Variants in PSD3 observed in about 807,000 individuals in gnomAD.
PSD3 encodes PH and SEC7 domain-containing protein 3.
A neutral mutation model predicts 105.5 loss-of-function variants in PSD3; 49 were observed. That is an observed-to-expected ratio of 0.46 (90% CI 0.37 to 0.59). PSD3 has a LOEUF of 0.59. Among genes scored for constraint, PSD3 ranks in the 20% least tolerant of loss-of-function variants. The probability of loss-of-function intolerance (pLI) is 0.00; values close to 1 mark genes in which losing one functional copy is unlikely to be tolerated. For missense variants in PSD3, 1,561 were observed against 1,263.8 expected (o/e 1.24, Z -3.57); for synonymous variants, 557 against 457.8 (o/e 1.22, Z -2.77).
intron 4 of PSD3, among the ~76,000 whole-genome samples, chr8:18,832,062 C>T (rs1371176348): frequency 6.6e-6 from 1 of 152,158 alleles, no homozygotes; most frequent in African/African-American, 2.4e-5. Flanking sequence ...CAAAACAGCA[C>T]CAAATACTTT....
rs1056439442 is a variant in PSD3, at chr8:18,828,080, T to A, written c.1635-23182A>T. Among the ~76,000 whole-genome samples, 6 of 143,802 alleles carry A rather than the reference T, an allele frequency of 4.2e-5. No homozygotes were observed. The South Asian group carries it at 6.5e-4, about 16-fold the overall frequency. The allele number at this position is 143,802 out of a possible 152,430, so 94.3% of individuals were successfully genotyped here. A position where few individuals can be genotyped will look rare whatever the true frequency, so the allele number is the denominator to read the frequency against. Reference sequence around the variant, plus strand: ...ATATATATATATATTTTTTTTTTTTTACAAAAAAAATGAGGTTAATGAGCT... The same window carrying A: ...ATATATATATATATTTTTTTTTTTTAACAAAAAAAATGAGGTTAATGAGCT... On this transcript the variant is annotated intron_variant, in intron 4 of 15. Transcript: ENST00000327040.
At chr8:18,958,201 C>A (rs1469635139) in intron 1 of PSD3, among the ~76,000 whole-genome samples, 10 of 151,994 alleles carry the variant, frequency 6.6e-5, no homozygotes, top group African/African-American at 2.2e-4. Flanking sequence ...CTGAAACTAC[C>A]GCCAAGATAT....
chr8:18,784,392 G>T (rs901880243), intron 8 of PSD3, among the ~76,000 whole-genome samples: 1 of 152,104 alleles, frequency 6.6e-6, no homozygotes, highest in Non-Finnish European at 1.5e-5. Flanking sequence ...AAGTATGTGG[G>T]GGTTTCTCCA....
intron 4 of PSD3, among the ~76,000 whole-genome samples, chr8:18,858,816 A>T (rs948434154): frequency 6.6e-6 from 1 of 152,108 alleles, no homozygotes; most frequent in Non-Finnish European, 1.5e-5. Context: ...TTTCCACCAC[A>T]TCTGCAGTTA....
chr8:18,951,992 A>AACAG (rs1202725469), intron 1 of PSD3, among the ~76,000 whole-genome samples: 1 of 152,148 alleles, frequency 6.6e-6, no homozygotes, highest in East Asian at 1.9e-4. Flanking sequence ...CAAACAAACA[A>AACAG]ACAAACAAAA....
At chr8:18,947,023 G>T (rs186959852) in intron 1 of PSD3, among the ~76,000 whole-genome samples, 2 of 152,028 alleles carry the variant, frequency 1.3e-5, no homozygotes, top group East Asian at 3.9e-4. Context: ...GAAGATGCTC[G>T]TGCTTGGGCC....
intron 1 of PSD3, among the ~76,000 whole-genome samples, chr8:19,074,291 G>A (rs1355549190): frequency 6.6e-6 from 1 of 151,928 alleles, no homozygotes; most frequent in Non-Finnish European, 1.5e-5. Flanking sequence ...TTGCAGGGTG[G>A]CCTTATTCAG....
intron 14 of PSD3, among the ~76,000 whole-genome samples, chr8:18,561,214 T>C (rs1015868961): frequency 1.3e-5 from 2 of 152,146 alleles, no homozygotes; most frequent in Non-Finnish European, 2.9e-5. Flanking sequence ...ATAGCTAAGA[T>C]CTAGAAGAGA....
At chr8:19,032,945 T>TA (rs1384280600) in intron 1 of PSD3, among the ~76,000 whole-genome samples, 1 of 151,976 alleles carries the variant, frequency 6.6e-6, no homozygotes, top group African/African-American at 2.4e-5. Context: ...ATGTCACCAG[T>TA]AAAAAACAAA....
intron 1 of PSD3, among the ~76,000 whole-genome samples, chr8:19,036,673 G>A (rs1004739785): frequency 6.6e-5 from 10 of 152,218 alleles, no homozygotes; most frequent in South Asian, 4.1e-4. Flanking sequence ...TTATCCATGC[G>A]TAAACTGAGA....
At chr8:18,632,534 C>T in intron 11 of PSD3, 79 bp downstream of exon 11, 1 of 1,455,932 alleles carries the variant, frequency 6.9e-7, no homozygotes, top group Non-Finnish European at 9.4e-7. Context: ...TCATCCTTGA[C>T]TTTCAGATAA....
At chr8:18,696,240 C>T (rs10106957) in intron 9 of PSD3, among the ~76,000 whole-genome samples, 2,344 of 152,310 alleles carry the variant, frequency 0.015, 61 homozygotes, top group African/African-American at 0.053. Context: ...TCCTTTCCAC[C>T]TCCTCCTCAC....
At chr8:18,564,711 C>A (rs536364210) in intron 14 of PSD3, among the ~76,000 whole-genome samples, 10 of 151,818 alleles carry the variant, frequency 6.6e-5, no homozygotes, top group African/African-American at 2.4e-4. Context: ...GGTGGGGGCG[C>A]AGTGAAGGAA....
chr8:19,068,615 G>A (rs1320329868), intron 1 of PSD3, among the ~76,000 whole-genome samples: 1 of 152,068 alleles, frequency 6.6e-6, no homozygotes. Flanking sequence ...GATAGCAAGG[G>A]GTGGCAGGAC....
intron 12 of PSD3, among the ~76,000 whole-genome samples, chr8:18,584,789 A>G (rs1245464558): frequency 1.3e-5 from 2 of 152,208 alleles, no homozygotes; most frequent in Non-Finnish European, 2.9e-5. Context: ...GTCTCTTCAA[A>G]AAGGTGGGGG....
At chr8:18,837,659 G>T (rs762787210) in intron 4 of PSD3, among the ~76,000 whole-genome samples, 4 of 152,178 alleles carry the variant, frequency 2.6e-5, no homozygotes, top group Non-Finnish European at 5.9e-5. Context: ...AGTACTCTAG[G>T]CCAGGCATGG....
chr8:18,906,762 G>A (rs922728339), intron 2 of PSD3, among the ~76,000 whole-genome samples: 6 of 152,234 alleles, frequency 3.9e-5, no homozygotes, highest in African/African-American at 1.2e-4. Flanking sequence ...AACAAATACA[G>A]TCATGCACCA....
At chr8:19,045,109 C>A (rs1055112580) in intron 1 of PSD3, among the ~76,000 whole-genome samples, 1 of 152,048 alleles carries the variant, frequency 6.6e-6, no homozygotes, top group Non-Finnish European at 1.5e-5. Context: ...TGCTTGAACC[C>A]CGGAGGCAGA....
intron 1 of PSD3, among the ~76,000 whole-genome samples, chr8:18,980,516 C>T (rs1336160236): frequency 6.6e-6 from 1 of 152,136 alleles, no homozygotes; most frequent in East Asian, 1.9e-4. Context: ...TTAATTGGTA[C>T]ATTTAGAACA....
Sources: allele counts gnomAD v4.1 joint callset (sites outside exome capture counted in the v4.1 genomes callset), GRCh38; gene constraint gnomAD v4.1.1; transcripts MANE v1.5; gene names NCBI Gene and HGNC (gene_info 2026-07-23, HGNC 2026-07-21).